Variants in CNTN4 observed in about 807,000 individuals in gnomAD.
CNTN4 encodes the protein contactin-4.
Under a neutral mutation model 122.5 loss-of-function variants are expected in CNTN4, and 77 were observed. The ratio of observed to expected loss-of-function variants is 0.63; its 90% CI spans 0.52 to 0.76. CNTN4 has a LOEUF of 0.76. CNTN4 is among the 30% of genes least tolerant of loss of function. The pLI is 0.00. For synonymous variants in CNTN4, 512 were observed against 447.0 expected, an observed-to-expected ratio of 1.15 and a Z score of -1.83; for missense variants, 1,256 against 1,259.1, an observed-to-expected ratio of 1.00 and a Z score of 0.04.
intron 2 of CNTN4, among the ~76,000 whole-genome samples, chr3:2,306,813 T>G (rs1335082478): frequency 6.6e-6 from 1 of 152,156 alleles, no homozygotes; most frequent in Non-Finnish European, 1.5e-5. Flanking sequence ...TTGTCTAGTT[T>G]TCAGTGTACA....
chr3:2,379,825 T>C (rs569784789), intron 3 of CNTN4, among the ~76,000 whole-genome samples: 1 of 151,928 alleles, frequency 6.6e-6, no homozygotes, highest in South Asian at 2.1e-4. Context: ...GAGGCCGAGG[T>C]GGGCGGATTA....
At chr3:2,742,998 T>C (rs2089543547) in intron 5 of CNTN4, among the ~76,000 whole-genome samples, 1 of 152,186 alleles carries the variant, frequency 6.6e-6, no homozygotes, top group Non-Finnish European at 1.5e-5. Context: ...GCTATTTGTA[T>C]GTAAAAGCAG....
At chr3:2,750,875 G>A (rs2090053941) in intron 6 of CNTN4, among the ~76,000 whole-genome samples, 3 of 152,180 alleles carry the variant, frequency 2.0e-5, no homozygotes, top group Non-Finnish European at 2.9e-5. Flanking sequence ...AGTCAAGCAC[G>A]TTCTGATGGT....
chr3:2,707,288 A>C (rs1237061422), intron 4 of CNTN4, among the ~76,000 whole-genome samples: 1 of 151,924 alleles, frequency 6.6e-6, no homozygotes. Context: ...CCTGGATGAC[A>C]GAGCAAGACC....
At chr3:2,964,713 T>C (rs895017966) in intron 13 of CNTN4, among the ~76,000 whole-genome samples, 2 of 152,224 alleles carry the variant, frequency 1.3e-5, no homozygotes, top group Non-Finnish European at 2.9e-5. Context: ...TTTGTAGTTT[T>C]CAAAGAACTT....
rs75521732 is a variant in CNTN4 at position 2,464,150 on chromosome 3, C to G, written c.-88-107266C>G. 5.1e-4 allele frequency among the ~76,000 whole-genome samples: 77 copies of G among 152,260 alleles called. 1 individual carries two copies. The East Asian group carries it at 0.014, about 27-fold the overall frequency. ...ATGACAACTTCATTTGTCCTCTGCT[C>G]TATCTATCCTAGGTACTAGAATACC... On this transcript the variant is annotated intron_variant, in intron 3 of 24. Coordinates refer to ENST00000418658, the MANE Select transcript of CNTN4 (RefSeq NM_175607.3).
intron 2 of CNTN4, among the ~76,000 whole-genome samples, chr3:2,161,976 A>G (rs1319465981): frequency 6.6e-6 from 1 of 152,224 alleles, no homozygotes; most frequent in Non-Finnish European, 1.5e-5. Context: ...GCATCCCCAA[A>G]TTAAGGTAAA....
In CNTN4 at chr3:2,918,401, G is replaced by A. The variant is rs573778698; in HGVS notation, c.1208-7228G>A. 1.8e-3 allele frequency among the ~76,000 whole-genome samples: 272 copies of A among 152,244 alleles called. 1 individual carries two copies. The highest frequency in any genetic ancestry group is 6.3e-3 in the African/African-American group (263 of 41,552). On this transcript the variant is annotated intron_variant, in intron 12 of 24. Coordinates refer to ENST00000418658, the MANE Select transcript of CNTN4 (RefSeq NM_175607.3). Reference sequence around the variant, plus strand: ...AAAGAGGAGACCATGTGCTTCTGCCGAACAAGACCCAAATCTGGGGAAAGC... The same window carrying A: ...AAAGAGGAGACCATGTGCTTCTGCCAAACAAGACCCAAATCTGGGGAAAGC...
At chr3:2,107,646 T>C (rs1398291981) in intron 2 of CNTN4, among the ~76,000 whole-genome samples, 1 of 152,172 alleles carries the variant, frequency 6.6e-6, no homozygotes, top group Non-Finnish European at 1.5e-5. Flanking sequence ...CTGGTGATTT[T>C]GCAGCTCTTC....
intron 3 of CNTN4, among the ~76,000 whole-genome samples, chr3:2,432,008 C>A (rs2048091318): frequency 1.3e-5 from 2 of 152,160 alleles, no homozygotes; most frequent in South Asian, 4.1e-4. Context: ...TCTGTAATGC[C>A]CTGCAAATCG....
intron 2 of CNTN4, among the ~76,000 whole-genome samples, chr3:2,238,498 A>C (rs73019061): frequency 0.061 from 9,313 of 151,944 alleles, 414 homozygotes; most frequent in Non-Finnish European, 0.094. Context: ...AAAATAAAAA[A>C]ATCTTAGAAA....
intron 3 of CNTN4, among the ~76,000 whole-genome samples, chr3:2,556,259 A>G (rs1186933171): frequency 6.6e-6 from 1 of 152,228 alleles, no homozygotes; most frequent in African/African-American, 2.4e-5. Flanking sequence ...TGACAACAGC[A>G]ATTAACCAAG....
rs776662398 is a variant in CNTN4, at chr3:3,040,142, G to A, written c.2269G>A (p.Ala757Thr). The A allele has an allele frequency of 4.8e-5, 78 of 1,613,906 alleles. No individual in the cohort carries two copies. Among genetic ancestry groups the A allele is most frequent in the Admixed American group, 3.2e-4 (19 of 59,992 alleles). ...GCTGACAGTGCTGGCCTCAGCTGAT[G>A]CCTCTAGATACGTGTTCAGGAATGA... ...WMLTVLASAD[A>T]SRYVFRNESV... The change falls in exon 20 of 25, where the codon GCC becomes ACC. Residue 757 changes from alanine to threonine, a missense_variant. Transcript: ENST00000418658.
chr3:2,976,778 G>A (rs150452704), intron 13 of CNTN4, among the ~76,000 whole-genome samples: 1 of 152,040 alleles, frequency 6.6e-6, no homozygotes, highest in African/African-American at 2.4e-5. Context: ...AATCAAGTAT[G>A]TAAGCTTGGG....
chr3:2,487,140 G>A (rs1575747111), intron 3 of CNTN4, among the ~76,000 whole-genome samples: 1 of 151,936 alleles, frequency 6.6e-6, no homozygotes, highest in African/African-American at 2.4e-5. Context: ...TAATTATTGT[G>A]GTTTCACACG....
intron 3 of CNTN4, among the ~76,000 whole-genome samples, chr3:2,383,840 CAT>C (rs1044757782): frequency 3.3e-5 from 5 of 151,570 alleles, no homozygotes; most frequent in Middle Eastern, 3.4e-3. Flanking sequence ...TATCTCACTC[CAT>C]ATATATATAA....
chr3:2,626,451 C>T (rs551139606), intron 4 of CNTN4, among the ~76,000 whole-genome samples: 8 of 150,760 alleles, frequency 5.3e-5, no homozygotes, highest in South Asian at 2.1e-4. Context: ...GAGCCGAGAT[C>T]GCGCCACCGC....
intron 6 of CNTN4, among the ~76,000 whole-genome samples, chr3:2,787,570 A>C (rs1417935351): frequency 6.6e-6 from 1 of 152,170 alleles, no homozygotes; most frequent in Non-Finnish European, 1.5e-5. Context: ...AGAATCCTGT[A>C]ATGACTGAAT....
chr3:2,755,109 A>G (rs1229696611), intron 6 of CNTN4, among the ~76,000 whole-genome samples: 4 of 152,142 alleles, frequency 2.6e-5, no homozygotes, highest in South Asian at 2.1e-4. Flanking sequence ...CCTTGCTTCT[A>G]TTCACGGTAA....
Sources: allele counts gnomAD v4.1 joint callset (sites outside exome capture counted in the v4.1 genomes callset), GRCh38; gene constraint gnomAD v4.1.1; transcripts MANE v1.5; gene names NCBI Gene and HGNC (gene_info 2026-07-23, HGNC 2026-07-21).